VSTM1: variants seen among roughly 807,000 people sequenced by gnomAD.
The protein encoded by VSTM1 is V-set and transmembrane domain containing 1.
In VSTM1, 27 loss-of-function variants were observed where a neutral mutation model predicts 33.1. The observed-to-expected ratio is 0.82, with a 90% CI of 0.60 to 1.12. VSTM1 has a LOEUF of 1.12. Ranked by LOEUF, VSTM1 falls within the 50% of genes most tolerant of loss-of-function variation. The pLI is 0.00. For missense variants in VSTM1, 304 were observed against 288.9 expected, an observed-to-expected ratio of 1.05 and a Z score of -0.38; for synonymous variants, 115 against 110.3, an observed-to-expected ratio of 1.04 and a Z score of -0.27.
Position 54,056,538 on chromosome 19 carries a change from C to T in VSTM1, c.355+1768G>A, listed in dbSNP as rs1179296557. Among the ~76,000 whole-genome samples the T allele has an allele frequency of 1.4e-5, 2 of 139,664 alleles. 1 individual carries two copies. Among genetic ancestry groups the T allele is most frequent in the Non-Finnish European group, 3.1e-5 (2 of 63,558 alleles). The allele number at this position is 139,664 out of a possible 152,430, so 91.6% of individuals were successfully genotyped here. A position where few individuals can be genotyped will look rare whatever the true frequency, so the allele number is the denominator to read the frequency against. On this transcript the variant is annotated intron_variant, in intron 3 of 8. Coordinates refer to ENST00000338372, the MANE Select transcript of VSTM1 (RefSeq NM_198481.4). ...ACCTGGCCAACTCTAATCTTGTTCT[C>T]CCCACAAAATACAATCAAAGCTCTG...
chr19:54,061,052 C>T (rs1378749540), intron 1 of VSTM1, among the ~76,000 whole-genome samples: 1 of 145,670 alleles, frequency 6.9e-6, no homozygotes, highest in Non-Finnish European at 1.5e-5. Context: ...GAGTCTCCCT[C>T]TGTCACCCAG....
intron 1 of VSTM1, among the ~76,000 whole-genome samples, chr19:54,060,668 C>T (rs950782850): frequency 6.6e-6 from 1 of 152,128 alleles, no homozygotes; most frequent in Admixed American, 6.6e-5. Flanking sequence ...ATCCACCCAT[C>T]GTCTGTTCAA....
At chr19:54,058,194 C>G in intron 3 of VSTM1, 112 bp downstream of exon 3, 1 of 1,172,436 alleles carries the variant, frequency 8.5e-7, no homozygotes, top group Non-Finnish European at 1.2e-6. Context: ...GAGCCGAGAT[C>G]GTGCCACTGC....
In VSTM1 at chr19:54,063,817, T is replaced by C. The variant is rs2146175756; in HGVS notation, c.-40A>G. ...CAGAACCAAGGCCCCGCCTTGGGTT[T>C]TACCCTTCAAAGGCGGAGCGGGACT... is the stretch of plus-strand genomic sequence containing the variant. On this transcript the variant is annotated 5_prime_UTR_variant, in exon 1 of 9. Transcript: ENST00000338372. 1 of 1,612,452 alleles carries C rather than the reference T, an allele frequency of 6.2e-7. No homozygotes were observed. The highest frequency in any genetic ancestry group is 1.7e-5 in the Admixed American group (1 of 59,774).
intron 4 of VSTM1, among the ~76,000 whole-genome samples, chr19:54,048,705 G>A (rs1283310999): frequency 1.6e-4 from 25 of 152,086 alleles, no homozygotes; most frequent in East Asian, 3.8e-4. Flanking sequence ...TTTACAGCGC[G>A]GAGACAAACA....
Position 54,058,703 on chromosome 19 carries a change from T to G in VSTM1, c.64A>C (p.Lys22Gln). The G allele has an allele frequency of 1.2e-6, 2 of 1,613,916 alleles. No individual in the cohort carries two copies. The highest frequency in any genetic ancestry group is 1.7e-6 in the Non-Finnish European group (2 of 1,179,992). Reference sequence around the variant, plus strand: ...TAAGTAGGAGAAAACTCACCATTCTTTTTCTCATCTTCGTAGCCCAGACAC... The same window carrying G: ...TAAGTAGGAGAAAACTCACCATTCTGTTTCTCATCTTCGTAGCCCAGACAC... ...GLCLGYEDEK[K>Q]NEKPPKPSLH... The change falls in exon 2 of 9, where the codon AAG (lysine) becomes CAG (glutamine). Residue 22 changes from lysine (K) to glutamine (Q), a missense_variant. Physicochemically the swap from Lys to Gln is moderately conservative, Grantham distance 53. Transcript: ENST00000338372.
chr19:54,057,389 C>T lies in VSTM1; in HGVS notation c.355+917G>A, dbSNP rs1037552001. ...AATTAGCCAGGCATGGTGGTGCTTG[C>T]CTGTACTCCCAGCTACTTGGGAGGC... On this transcript the variant is annotated intron_variant, in intron 3 of 8. Transcript: ENST00000338372. Among the ~76,000 whole-genome samples, 6 of 150,586 alleles carry T rather than the reference C, an allele frequency of 4.0e-5. 1 individual carries two copies. Among genetic ancestry groups the T allele is most frequent in the Admixed American group, 3.3e-4 (5 of 15,056 alleles).
intron 1 of VSTM1, among the ~76,000 whole-genome samples, chr19:54,062,035 A>G (rs1437054900): frequency 6.6e-6 from 1 of 151,832 alleles, no homozygotes; most frequent in East Asian, 1.9e-4. Flanking sequence ...CCATGCTTGT[A>G]ATCCCAGCTA....
chr19:54,041,279 TTTTTTCA>T (rs1167347387), intron 8 of VSTM1, among the ~76,000 whole-genome samples, 199 bp from the exon 9 acceptor site: 4 of 152,070 alleles, frequency 2.6e-5, no homozygotes, highest in Admixed American at 2.6e-4. Flanking sequence ...TGCGTAAGCC[TTTTTTCA>T]TTTTTTTTAA....
chr19:54,059,059 CTTTTT>C (rs68002308), intron 1 of VSTM1, among the ~76,000 whole-genome samples: 1 of 104,224 alleles, frequency 9.6e-6, no homozygotes, highest in African/African-American at 4.1e-5. Flanking sequence ...CTTCTTCTTT[CTTTTT>C]TTTTTTTTTT....
chr19:54,054,988 G>T lies in VSTM1; in HGVS notation c.355+3318C>A, dbSNP rs1261248697. Among the ~76,000 whole-genome samples the T allele has an allele frequency of 2.9e-5, 4 of 139,694 alleles. 1 individual carries two copies. Among genetic ancestry groups the T allele is most frequent in the African/African-American group, 1.1e-4 (4 of 37,602 alleles). 91.6% of individuals were successfully genotyped at this position (139,694 alleles called of 152,430 possible). On this transcript the variant is annotated intron_variant, in intron 3 of 8. Transcript: ENST00000338372. ...AGATGGGTGGGTGGGTTGATAGATG[G>T]GTGGGTAGATTGATAGATGGATGGG... is the stretch of plus-strand genomic sequence containing the variant.
At chr19:54,044,046 G>C (rs2070451833) in intron 4 of VSTM1, among the ~76,000 whole-genome samples, 1 of 152,046 alleles carries the variant, frequency 6.6e-6, no homozygotes, top group Admixed American at 6.6e-5. Flanking sequence ...GGGTAGCTGG[G>C]AGTACAGACC....
chr19:54,051,035 T>C (rs1332496263), intron 4 of VSTM1, among the ~76,000 whole-genome samples: 3 of 151,738 alleles, frequency 2.0e-5, no homozygotes, highest in Non-Finnish European at 4.4e-5. Flanking sequence ...GGCTCACGCC[T>C]GTAATCCCAG....
rs1238936158 is a variant in VSTM1 at position 54,041,966 on chromosome 19, G to A, written c.516-13C>T. On this transcript the variant is annotated splice_polypyrimidine_tract_variant and intron_variant, in intron 6 of 8. Transcript: ENST00000338372. ...GGAATGGCTGGTTCTGAAAGAGAGA[G>A]ACACACGTGAAAGGATGGGATGTGA... 3 of 1,614,006 alleles carry A rather than the reference G, an allele frequency of 1.9e-6. No individual in the cohort carries two copies. Among genetic ancestry groups the A allele is most frequent in the South Asian group, 1.1e-5 (1 of 91,088 alleles).
intron 3 of VSTM1, among the ~76,000 whole-genome samples, chr19:54,052,608 A>C (rs1424164770): frequency 7.1e-6 from 1 of 140,894 alleles, no homozygotes; most frequent in Non-Finnish European, 1.6e-5. Flanking sequence ...TCCAGTTCTA[A>C]GATGAAGAAG....
At chr19:54,062,772 G>C (rs2071458531) in intron 1 of VSTM1, among the ~76,000 whole-genome samples, 1 of 151,088 alleles carries the variant, frequency 6.6e-6, no homozygotes. Flanking sequence ...TAGGAGACGA[G>C]CATTACCCCA....
chr19:54,041,922 C>T lies in VSTM1; in HGVS notation c.547G>A (p.Ala183Thr). ...AACTTCCCCTGTCCCTTACCGGCAG[C>T]CTCCTGCTCCGGAAGTTTGGAATGG... ...TSHSKLPEQE[A>T]AEADLSNMER... The change falls in exon 7 of 9, where the codon GCT becomes ACT. Residue 183 changes from alanine (A) to threonine (T), a missense_variant. Transcript: ENST00000338372. 1 of 1,614,170 alleles carries T rather than the reference C, an allele frequency of 6.2e-7. No homozygotes were observed. Among genetic ancestry groups the T allele is most frequent in the East Asian group, 2.2e-5 (1 of 44,882 alleles).
chr19:54,052,121 G>A (rs1250382056), intron 3 of VSTM1, among the ~76,000 whole-genome samples: 6 of 152,078 alleles, frequency 3.9e-5, no homozygotes, highest in Admixed American at 1.3e-4. Flanking sequence ...CTACTTGGCC[G>A]GGCGCAGTGG....
chr19:54,052,258 C>T (rs1190678116), intron 3 of VSTM1, among the ~76,000 whole-genome samples: 6 of 149,890 alleles, frequency 4.0e-5, no homozygotes, highest in African/African-American at 9.8e-5. Flanking sequence ...GTTAGCCGAG[C>T]GTGGTGGCGG....
Sources: gnomAD v4.1 joint callset for allele counts (sites outside exome capture counted in the v4.1 genomes callset) on GRCh38, gnomAD v4.1.1 for gene constraint, MANE v1.5 for transcripts, NCBI Gene and HGNC (gene_info 2026-07-23, HGNC 2026-07-21) for gene names.